LIMS2: variants seen among roughly 807,000 people sequenced by gnomAD.
LIMS2 encodes LIM and senescent cell antigen-like-containing domain protein 2.
A neutral mutation model predicts 45.3 loss-of-function variants in LIMS2; 30 were observed. The ratio of observed to expected loss-of-function variants is 0.66; its 90% CI spans 0.50 to 0.90. The LOEUF (loss-of-function observed/expected upper bound fraction) is 0.90. Ranked by LOEUF, LIMS2 falls within the 40% of genes least tolerant of loss-of-function variation. The pLI, the probability that LIMS2 is intolerant of heterozygous loss-of-function variation, is 0.00. For synonymous variants in LIMS2, 173 were observed against 188.0 expected, an observed-to-expected ratio of 0.92 and a Z score of 0.65; for missense variants, 485 against 468.7, an observed-to-expected ratio of 1.03 and a Z score of -0.32.
upstream of LIMS2, among the ~76,000 whole-genome samples, chr2:127,679,279 G>C (rs1385077664): frequency 6.6e-6 from 1 of 152,130 alleles, no homozygotes; most frequent in Non-Finnish European, 1.5e-5. This position sits in a 1 kb window ranked among gnomAD's most constrained non-coding sequence, Gnocchi z 5.3. Flanking sequence ...GTGCCCCTGG[G>C]GGGAGAATGC....
chr2:127,669,217 T>TG (rs1573846630), intron 1 of LIMS2, among the ~76,000 whole-genome samples: 3 of 152,202 alleles, frequency 2.0e-5, no homozygotes, highest in East Asian at 3.8e-4. Flanking sequence ...GATAGCTACA[T>TG]GCTAACAGTA....
intron 9 of LIMS2, among the ~76,000 whole-genome samples, 193 bp downstream of exon 9, chr2:127,639,877 C>T (rs1051545892): frequency 6.8e-6 from 1 of 146,082 alleles, no homozygotes; most frequent in Non-Finnish European, 1.5e-5. Flanking sequence ...TGCCTGGGGT[C>T]CCTGGGGTCC....
chr2:127,644,079 T>C, intron 4 of LIMS2: 1 of 456,526 alleles, frequency 2.2e-6, no homozygotes, highest in South Asian at 1.5e-5. Context: ...CTGCTACTGC[T>C]GGGTGTCTGG....
At chr2:127,652,162 C>T in intron 4 of LIMS2, 1 of 238,468 alleles carries the variant, frequency 4.2e-6, no homozygotes, top group Non-Finnish European at 8.9e-6. Flanking sequence ...GAAGAGGGAC[C>T]TGGGAGTCCT....
intron 2 of LIMS2, chr2:127,655,315 C>T (rs377198065): frequency 5.5e-5 from 13 of 235,458 alleles, no homozygotes; most frequent in South Asian, 3.4e-4. Flanking sequence ...CATGAAGACC[C>T]GGGTATAGGA....
chr2:127,661,687 C>G (rs1684672878), intron 1 of LIMS2, among the ~76,000 whole-genome samples: 1 of 152,230 alleles, frequency 6.6e-6, no homozygotes, highest in Non-Finnish European at 1.5e-5. Context: ...TCAGCCCTCT[C>G]CAGCACCCCA....
intron 1 of LIMS2, among the ~76,000 whole-genome samples, chr2:127,660,426 C>T (rs1352586454): frequency 6.6e-6 from 1 of 152,204 alleles, no homozygotes; most frequent in Non-Finnish European, 1.5e-5. Flanking sequence ...GTAATGTTCA[C>T]AGCGAAGGTC....
At position 127,639,306 on chromosome 2, in the gene LIMS2, T is replaced by C. The variant is rs1241421342; in HGVS notation, c.1001A>G (p.Lys334Arg). Residue 334 changes from lysine (K) to arginine (R), a missense_variant, in exon 10 of 10, where the codon AAG (lysine) becomes AGG (arginine). Lys to Arg is a conservative substitution (Grantham distance 26). Transcript: ENST00000355119. Reference sequence around the variant, plus strand: ...TCAGGCAGAGTTGAGGTCTGTGGCCTTGGGCTGGGCCTTGCGGGAGGTCAG... The same window carrying C: ...TCAGGCAGAGTTGAGGTCTGTGGCCCTGGGCTGGGCCTTGCGGGAGGTCAG... ...SELTSRKAQPKATDLNSA is the reference protein window; with the variant it reads ...SELTSRKAQPRATDLNSA The C allele has an allele frequency of 6.8e-6, 11 of 1,613,744 alleles. No individual in the cohort carries two copies.
intron 4 of LIMS2, chr2:127,652,102 A>G (rs1033611093): frequency 2.6e-5 from 8 of 309,610 alleles, no homozygotes; most frequent in Non-Finnish European, 5.1e-5. Flanking sequence ...AGAATCGCTC[A>G]TCGGCGAGGC....
rs1261968536 is a variant in LIMS2 at position 127,642,885 on chromosome 2, C to A, written c.509+38G>T. 1 of 1,544,344 alleles carries A rather than the reference C, an allele frequency of 6.5e-7. No homozygotes were observed. Reference sequence around the variant, plus strand: ...CCTTACCCTGGGCCAGCCCTGGCTCCCCGCCCCCACAACTGCAGGGCCGGG... The same window carrying A: ...CCTTACCCTGGGCCAGCCCTGGCTCACCGCCCCCACAACTGCAGGGCCGGG... On this transcript the variant is annotated intron_variant, in intron 5 of 9. Coordinates refer to ENST00000355119, the MANE Select transcript of LIMS2 (RefSeq NM_001161403.3). The surrounding 1 kb of genome is among the most constrained non-coding windows in gnomAD (Gnocchi z 5.3).
chr2:127,658,430 C>T (rs373235578), intron 1 of LIMS2, among the ~76,000 whole-genome samples: 11 of 152,118 alleles, frequency 7.2e-5, no homozygotes, highest in Admixed American at 3.9e-4. Context: ...ATCTTTGAGA[C>T]GAGACGGGAG....
intron 1 of LIMS2, among the ~76,000 whole-genome samples, chr2:127,669,671 T>C (rs776968632): frequency 6.6e-6 from 1 of 152,004 alleles, no homozygotes; most frequent in Non-Finnish European, 1.5e-5. Flanking sequence ...TGAGCTGAGA[T>C]TGCACTACTG....
At chr2:127,640,669 C>T (rs1682314789) in intron 7 of LIMS2, 7 of 597,646 alleles carry the variant, frequency 1.2e-5, no homozygotes, top group Non-Finnish European at 2.1e-5. Flanking sequence ...CCCATGTGCC[C>T]GGGACCTCAC....
Position 127,675,137 on chromosome 2 carries a change from G to A in LIMS2, c.-113C>T, listed in dbSNP as rs1450785415. 5.8e-6 allele frequency: 5 copies of A among 862,572 alleles called. No individual in the cohort carries two copies. The highest frequency in any genetic ancestry group is 7.0e-6 in the Non-Finnish European group (5 of 710,728). The allele number at this position is 862,572 out of a possible 1,614,324, so 53.4% of individuals were successfully genotyped here. On this transcript the variant is annotated 5_prime_UTR_variant, in exon 1 of 10. Transcript: ENST00000355119. ...AGCCCGGGCCGCGGAGCAGGGAGACGCCCAAAAAAGGCCAAGAGCCGCTCC... is the reference window on the plus strand; with the variant it reads ...AGCCCGGGCCGCGGAGCAGGGAGACACCCAAAAAAGGCCAAGAGCCGCTCC...
Position 127,654,423 on chromosome 2 carries a change from C to A in LIMS2, c.359+1G>T. 1 of 1,614,022 alleles carries A rather than the reference C, an allele frequency of 6.2e-7. No individual in the cohort carries two copies. Among genetic ancestry groups the A allele is most frequent in the Non-Finnish European group, 8.5e-7 (1 of 1,179,992 alleles). ...TCTCTGGCCCAACACGGCCACCTCA[C>A]CTGCCGGCATTCTTCACAAAGCCCA... is the stretch of plus-strand genomic sequence containing the variant. On this transcript the variant is annotated splice_donor_variant, in intron 4 of 9. Coordinates refer to ENST00000355119, the MANE Select transcript of LIMS2 (RefSeq NM_001161403.3). LOFTEE classifies it high-confidence loss of function.
At chr2:127,644,707 C>T (rs1265285081) in intron 4 of LIMS2, among the ~76,000 whole-genome samples, 1 of 152,216 alleles carries the variant, frequency 6.6e-6, no homozygotes, top group East Asian at 1.9e-4. Flanking sequence ...CGGTCAATGC[C>T]CTTGAAGCCA....
Position 127,664,597 on chromosome 2 carries a change from G to A in LIMS2, c.12-7035C>T. ...GTCAACTCCAAATAGAAAGGATATT[G>A]TTCGCGCCGCGGGGGCAGCTCCTGA... On this transcript the variant is annotated intron_variant, in intron 1 of 9. Transcript: ENST00000355119. The surrounding 1 kb of genome is among the most constrained non-coding windows in gnomAD (Gnocchi z 5.5). 8.9e-7 allele frequency: 1 copy of A among 1,128,158 alleles called. No homozygotes were observed. The highest frequency in any genetic ancestry group is 1.1e-6 in the Non-Finnish European group (1 of 922,266). The allele number at this position is 1,128,158 out of a possible 1,614,324, so 69.9% of individuals were successfully genotyped here. A position where few individuals can be genotyped will look rare whatever the true frequency, so the allele number is the denominator to read the frequency against.
At chr2:127,657,843 G>A (rs949544243) in intron 1 of LIMS2, among the ~76,000 whole-genome samples, 8 of 152,124 alleles carry the variant, frequency 5.3e-5, no homozygotes, top group Non-Finnish European at 7.4e-5. Context: ...ACAGGTGAGC[G>A]GCTCTGTATT....
Position 127,639,261 on chromosome 2 carries a change from G to A in LIMS2, c.*20C>T. On this transcript the variant is annotated 3_prime_UTR_variant, in exon 10 of 10. Coordinates refer to ENST00000355119, the MANE Select transcript of LIMS2 (RefSeq NM_001161403.3). The stretch of plus-strand genomic sequence containing the variant: ...GGGGAGAAGGCGGAGGGGCCGAGAG[G>A]CAGCTGCGCAAGAGGGCCTTCAGGC... 6.2e-7 allele frequency: 1 copy of A among 1,611,444 alleles called. No individual in the cohort carries two copies. Among genetic ancestry groups the A allele is most frequent in the Non-Finnish European group, 8.5e-7 (1 of 1,178,526 alleles).
Sources: allele counts gnomAD v4.1 joint callset (sites outside exome capture counted in the v4.1 genomes callset), GRCh38; gene constraint gnomAD v4.1.1; non-coding constraint Gnocchi (gnomAD v3.1); transcripts MANE v1.5; gene names NCBI Gene and HGNC (gene_info 2026-07-23, HGNC 2026-07-21).